Variants in KSR1 observed in about 807,000 individuals in gnomAD.
KSR1 encodes kinase suppressor of ras.
A neutral mutation model predicts 92.9 loss-of-function variants in KSR1; 35 were observed. The observed-to-expected ratio is 0.38, with a 90% CI of 0.29 to 0.50. KSR1 has a LOEUF of 0.50. Ranked by LOEUF, KSR1 falls within the 20% of genes least tolerant of loss-of-function variation. The pLI, the probability that KSR1 is intolerant of heterozygous loss-of-function variation, is 0.94. For missense variants in KSR1, 972 were observed against 1,158.5 expected (o/e 0.84, Z 2.34); for synonymous variants, 467 against 472.6 (o/e 0.99, Z 0.15).
intron 1 of KSR1, among the ~76,000 whole-genome samples, chr17:27,467,964 A>G (rs1036820905): frequency 4.0e-5 from 6 of 151,764 alleles, no homozygotes; most frequent in African/African-American, 1.5e-4. Flanking sequence ...GGTGCCTGCC[A>G]TTATGCCCGG....
intron 1 of KSR1, among the ~76,000 whole-genome samples, chr17:27,470,749 C>T (rs1452039193): frequency 6.6e-6 from 1 of 152,160 alleles, no homozygotes; most frequent in African/African-American, 2.4e-5. Flanking sequence ...ATATTTTTTA[C>T]AATTCTTTCT....
At chr17:27,528,170 A>G (rs2945381) in intron 1 of KSR1, among the ~76,000 whole-genome samples, 63,565 of 151,978 alleles carry the variant, frequency 0.42, 14,168 homozygotes, top group African/African-American at 0.57. Flanking sequence ...GGGTTCAAGC[A>G]ATTCTTGTTC....
intron 12 of KSR1, 22 bp from the exon 13 acceptor site, chr17:27,604,658 G>T: frequency 6.2e-7 from 1 of 1,613,442 alleles, no homozygotes; most frequent in South Asian, 1.1e-5. Context: ...AGGTCTCCTT[G>T]ACAAACCTTG....
intron 2 of KSR1, among the ~76,000 whole-genome samples, chr17:27,574,428 C>T (rs1469697957): frequency 6.9e-6 from 1 of 145,552 alleles, no homozygotes; most frequent in Non-Finnish European, 1.5e-5. Context: ...CTTCTTGGTA[C>T]AGTTATGTGT....
At chr17:27,465,032 G>A (rs1271460901) in intron 1 of KSR1, 1 of 152,218 alleles carries the variant, frequency 6.6e-6, no homozygotes, top group Non-Finnish European at 1.5e-5. Context: ...GTTGGACACG[G>A]CTGATCTAGT....
chr17:27,554,318 G>T (rs1298836756), intron 2 of KSR1, among the ~76,000 whole-genome samples: 2 of 152,216 alleles, frequency 1.3e-5, no homozygotes, highest in African/African-American at 4.8e-5. Context: ...TACGTGGGTT[G>T]TCATCTAAAA....
chr17:27,567,072 GC>G (rs1320169242), intron 2 of KSR1, among the ~76,000 whole-genome samples: 1 of 152,162 alleles, frequency 6.6e-6, no homozygotes, highest in African/African-American at 2.4e-5. Context: ...TCTCTATGAA[GC>G]TCAGTTCCTT....
intron 1 of KSR1, among the ~76,000 whole-genome samples, chr17:27,521,151 A>G (rs2151020567): frequency 6.6e-6 from 1 of 152,206 alleles, no homozygotes; most frequent in African/African-American, 2.4e-5. Flanking sequence ...CAGCTGACTT[A>G]GTACCTCTGG....
intron 1 of KSR1, among the ~76,000 whole-genome samples, chr17:27,544,721 C>T (rs531581961): frequency 6.7e-4 from 102 of 152,318 alleles, no homozygotes; most frequent in African/African-American, 2.2e-3. Flanking sequence ...TTGTCTATTC[C>T]GGAAAATTTA....
intron 1 of KSR1, among the ~76,000 whole-genome samples, chr17:27,472,866 T>G (rs1032819370): frequency 2.6e-5 from 4 of 152,156 alleles, no homozygotes; most frequent in Non-Finnish European, 5.9e-5. Context: ...CAGTAATAAC[T>G]CAGGGCCCTA....
intron 19 of KSR1, among the ~76,000 whole-genome samples, chr17:27,619,414 T>TA (rs964645006): frequency 6.6e-6 from 1 of 150,592 alleles, no homozygotes; most frequent in African/African-American, 2.4e-5. Flanking sequence ...TTTTTTTTTT[T>TA]AAAGGCAGAG....
intron 1 of KSR1, among the ~76,000 whole-genome samples, chr17:27,468,069 G>A (rs528602007): frequency 3.4e-4 from 51 of 151,790 alleles, no homozygotes; most frequent in African/African-American, 1.2e-3. Context: ...CGCCCGCCTC[G>A]GCCTCCCAAA....
chr17:27,478,969 T>C (rs997975440), intron 1 of KSR1, among the ~76,000 whole-genome samples: 8 of 150,648 alleles, frequency 5.3e-5, no homozygotes, highest in African/African-American at 2.0e-4. Context: ...TGCTCCTCCC[T>C]CCTTCCATGC....
At chr17:27,499,181 C>G (rs370092457) in intron 1 of KSR1, among the ~76,000 whole-genome samples, 1 of 152,168 alleles carries the variant, frequency 6.6e-6, no homozygotes, top group Non-Finnish European at 1.5e-5. Flanking sequence ...ACCATTAACT[C>G]AGGGAGGTGG....
intron 16 of KSR1, 125 bp from the exon 17 acceptor site, chr17:27,609,942 G>A (rs951310288): frequency 8.1e-7 from 1 of 1,233,942 alleles, no homozygotes; most frequent in Non-Finnish European, 1.1e-6. Context: ...AGTGTTCTGG[G>A]TCTGGGTGTG....
At chr17:27,481,384 C>T (rs539566361) in intron 1 of KSR1, among the ~76,000 whole-genome samples, 1 of 152,194 alleles carries the variant, frequency 6.6e-6, no homozygotes. Context: ...AAGTCTCTTT[C>T]AATTCTTTAA....
rs550856250 is a variant in KSR1 at position 27,456,669 on chromosome 17, C to T, written c.26C>T (p.Ala9Val). 2.9e-5 allele frequency: 19 copies of T among 656,040 alleles called. No homozygotes were observed. Among genetic ancestry groups the T allele is most frequent in the Non-Finnish European group, 4.2e-5 (16 of 381,780 alleles). 40.6% of individuals were successfully genotyped at this position (656,040 alleles called of 1,614,324 possible). A position where few individuals can be genotyped will look rare whatever the true frequency, so the allele number is the denominator to read the frequency against. The stretch of plus-strand genomic sequence containing the variant: ...ATGGATAGAGCAGCGCTGCGCGCGG[C>T]GGCGATGGGAGAGAAGAAGGAGGGC... MDRAALRA[A>V]AMGEKKEGGG... The change falls in exon 1 of 21, where the codon GCG (alanine) becomes GTG (valine). Residue 9 changes from alanine to valine, a missense_variant. Coordinates refer to ENST00000644974, the MANE Select transcript of KSR1 (RefSeq NM_001394583.1).
At chr17:27,556,098 G>T (rs2071583987) in intron 2 of KSR1, among the ~76,000 whole-genome samples, 1 of 152,188 alleles carries the variant, frequency 6.6e-6, no homozygotes, top group Admixed American at 6.5e-5. Flanking sequence ...TTGTGCACCT[G>T]TGTATTTCTA....
rs558555550 is a variant in KSR1 at position 27,618,075 on chromosome 17, T to C, written c.2627+647T>C. Among the ~76,000 whole-genome samples the C allele has an allele frequency of 3.3e-5, 5 of 152,108 alleles. No homozygotes were observed. In the South Asian group the frequency reaches 1.0e-3, roughly 32 times the overall value. ...GAGGGGCAAGATGGGGCCAGTTAGA[T>C]AGAAATTAGAGTGATGTGGTATTAT... is the stretch of plus-strand genomic sequence containing the variant. On this transcript the variant is annotated intron_variant, in intron 19 of 20. Transcript: ENST00000644974.
Sources: gnomAD v4.1 joint callset for allele counts (sites outside exome capture counted in the v4.1 genomes callset) on GRCh38, gnomAD v4.1.1 for gene constraint, MANE v1.5 for transcripts, NCBI Gene and HGNC (gene_info 2026-07-23, HGNC 2026-07-21) for gene names.